The following OR52A5 variants were observed in gnomAD, a reference collection of about 807,000 sequenced individuals.
OR52A5 encodes olfactory receptor 52A5.
In OR52A5, 16 loss-of-function variants were observed where a neutral mutation model predicts 18.2. The ratio of observed to expected loss-of-function variants is 0.88; its 90% confidence interval spans 0.60 to 1.34. The LOEUF is 1.34. Ranked by LOEUF, OR52A5 falls within the 40% of genes most tolerant of loss-of-function variation. OR52A5 has a pLI of 0.00. For synonymous variants in OR52A5, 140 were observed against 137.2 expected (o/e 1.02, Z -0.14); for missense variants, 418 against 383.0 (o/e 1.09, Z -0.76).
intron 1 of OR52A5, among the ~76,000 whole-genome samples, chr11:5,136,073 T>C (rs1172710733): frequency 6.6e-6 from 1 of 152,214 alleles, no homozygotes; most frequent in Non-Finnish European, 1.5e-5. Flanking sequence ...TGAGTAATAG[T>C]TGAGCTGGAG....
At position 5,129,329 on chromosome 11, in the gene OR52A5, G is replaced by A. The variant is rs1311816456; in HGVS notation, c.*2363C>T. The stretch of plus-strand genomic sequence containing the variant: ...GGCTCGTATTGTTAGCCCCATTGTA[G>A]AGAAGAGGAAATAACATGCCCAGGA... On this transcript the variant is annotated 3_prime_UTR_variant, in exon 2 of 2. Coordinates refer to ENST00000307388, the MANE Select transcript of OR52A5 (RefSeq NM_001005160.3). 2 of 152,040 alleles carry A rather than the reference G, an allele frequency of 1.3e-5. No individual in the cohort carries two copies. The highest frequency in any genetic ancestry group is 6.6e-5 in the Admixed American group (1 of 15,254). 9.4% of individuals were successfully genotyped at this position (152,040 alleles called of 1,614,324 possible). A position where few individuals can be genotyped will look rare whatever the true frequency, so the allele number is the denominator to read the frequency against.
Position 5,132,505 on chromosome 11 carries a change from T to C in OR52A5, c.138A>G (p.Leu46=). ...TTTCATATTTGATTATAACTAAAAT[T>C]AGGGAATTTCCAATCACACCAATAA... ...MYLIGVIGNS[L]ILVIIKYENS... Residue 46 remains leucine, a synonymous_variant, in exon 2 of 2, where the codon CTA becomes CTG. Coordinates refer to ENST00000307388, the MANE Select transcript of OR52A5 (RefSeq NM_001005160.3). The C allele has an allele frequency of 6.2e-7, 1 of 1,614,108 alleles. No individual in the cohort carries two copies.
chr11:5,135,887 A>G (rs1432263476), intron 1 of OR52A5, among the ~76,000 whole-genome samples: 1 of 152,190 alleles, frequency 6.6e-6, no homozygotes, highest in Non-Finnish European at 1.5e-5. Context: ...CCTCCTGAGC[A>G]CTGCGTCCCA....
intron 1 of OR52A5, among the ~76,000 whole-genome samples, chr11:5,134,270 T>C (rs1407746549): frequency 6.6e-6 from 1 of 152,206 alleles, no homozygotes; most frequent in Non-Finnish European, 1.5e-5. Context: ...ATAAAGATAG[T>C]AGTGGGGGGC....
At chr11:5,134,230 C>G (rs1490569507) in intron 1 of OR52A5, among the ~76,000 whole-genome samples, 3 of 152,186 alleles carry the variant, frequency 2.0e-5, no homozygotes, top group Non-Finnish European at 4.4e-5. Context: ...AACTCACTCT[C>G]TGAAATAATT....
Position 5,131,239 on chromosome 11 carries a change from G to T in OR52A5, c.*453C>A, listed in dbSNP as rs927011939. ...TTAGAACTTAAACTTCCAAATTTGAGTAAAACTCAAGTTAGGTAAAAATCA... is the reference window on the plus strand; with the variant it reads ...TTAGAACTTAAACTTCCAAATTTGATTAAAACTCAAGTTAGGTAAAAATCA... On this transcript the variant is annotated 3_prime_UTR_variant, in exon 2 of 2. Transcript: ENST00000307388. 1.0e-4 allele frequency: 16 copies of T among 153,250 alleles called. No homozygotes were observed. Among genetic ancestry groups the T allele is most frequent in the Admixed American group, 4.5e-4 (7 of 15,462 alleles). The allele number at this position is 153,250 out of a possible 1,614,324, so 9.5% of individuals were successfully genotyped here. A position where few individuals can be genotyped will look rare whatever the true frequency, so the allele number is the denominator to read the frequency against.
In OR52A5 at chr11:5,132,417, T is replaced by C; in HGVS notation, c.226A>G (p.Asn76Asp). Residue 76 changes from asparagine to aspartate, a missense_variant, in exon 2 of 2, where the codon AAC becomes GAC. Asn to Asp is a conservative substitution (Grantham distance 23). Transcript: ENST00000307388. ...AMLAATDIAL[N>D]TCILPKMLGI... The stretch of plus-strand genomic sequence containing the variant: ...AACATTTTGGGAAGAATGCAGGTGT[T>C]AAGTGCAATGTCTGTGGCTGCCAAC... 1 of 1,614,192 alleles carries C rather than the reference T, an allele frequency of 6.2e-7. No homozygotes were observed. The highest frequency in any genetic ancestry group is 1.3e-5 in the African/African-American group (1 of 75,058).
At chr11:5,134,273 T>TG (rs1399282075) in intron 1 of OR52A5, among the ~76,000 whole-genome samples, 1 of 152,206 alleles carries the variant, frequency 6.6e-6, no homozygotes, top group African/African-American at 2.4e-5. Flanking sequence ...AAGATAGTAG[T>TG]GGGGGGCCAA....
intron 1 of OR52A5, among the ~76,000 whole-genome samples, chr11:5,133,855 AT>A (rs1412457363): frequency 1.3e-5 from 2 of 152,146 alleles, no homozygotes; most frequent in South Asian, 2.1e-4. Flanking sequence ...AAATATTATA[AT>A]TTTTTTCTTT....
intron 1 of OR52A5, among the ~76,000 whole-genome samples, chr11:5,135,707 T>C (rs771116978): frequency 2.0e-5 from 3 of 152,224 alleles, no homozygotes; most frequent in Non-Finnish European, 2.9e-5. Context: ...GATATTCCTT[T>C]CTAATTGCCA....
rs749774262 is a variant in OR52A5 at position 5,130,669 on chromosome 11, C to A, written c.*1023G>T. The A allele has an allele frequency of 6.6e-6, 1 of 151,712 alleles. No homozygotes were observed. Among genetic ancestry groups the A allele is most frequent in the African/African-American group, 2.4e-5 (1 of 41,310 alleles). 9.4% of individuals were successfully genotyped at this position (151,712 alleles called of 1,614,324 possible). On this transcript the variant is annotated 3_prime_UTR_variant, in exon 2 of 2. Coordinates refer to ENST00000307388, the MANE Select transcript of OR52A5 (RefSeq NM_001005160.3). ...TTCTACATTATTGACAAGATTTTTC[C>A]CCAAAATTGTATGTATCTATGTCTG...
At position 5,128,941 on chromosome 11, in the gene OR52A5, A is replaced by T. The variant is rs563152664; in HGVS notation, c.*2751T>A. The T allele has an allele frequency of 6.6e-6, 1 of 152,230 alleles. No homozygotes were observed. Among genetic ancestry groups the T allele is most frequent in the South Asian group, 2.1e-4 (1 of 4,826 alleles). 9.4% of individuals were successfully genotyped at this position (152,230 alleles called of 1,614,324 possible). A position where few individuals can be genotyped will look rare whatever the true frequency, so the allele number is the denominator to read the frequency against. On this transcript the variant is annotated 3_prime_UTR_variant, in exon 2 of 2. Coordinates refer to ENST00000307388, the MANE Select transcript of OR52A5 (RefSeq NM_001005160.3). ...CCTTTATAATACACTAAAAATCATCAAATTGCATACTTTAAAATTGCAAAT... is the reference window on the plus strand; with the variant it reads ...CCTTTATAATACACTAAAAATCATCTAATTGCATACTTTAAAATTGCAAAT...
chr11:5,137,681 T>C (rs1846405117), intron 1 of OR52A5, among the ~76,000 whole-genome samples: 1 of 152,134 alleles, frequency 6.6e-6, no homozygotes, highest in Admixed American at 6.5e-5. Context: ...AGCAGTGAAT[T>C]CTACAGAACC....
chr11:5,128,781 C>T lies in OR52A5; in HGVS notation c.*2911G>A, dbSNP rs1846309357. On this transcript the variant is annotated 3_prime_UTR_variant, in exon 2 of 2. Transcript: ENST00000307388. ...ATCCAGACAGAAAAATCCATTGAAA[C>T]AGAAAAGAGATTAGCAGTTGCTAAG... is the stretch of plus-strand genomic sequence containing the variant. 1 of 151,576 alleles carries T rather than the reference C, an allele frequency of 6.6e-6. No individual in the cohort carries two copies. The highest frequency in any genetic ancestry group is 1.5e-5 in the Non-Finnish European group (1 of 67,874). The allele number at this position is 151,576 out of a possible 1,614,324, so 9.4% of individuals were successfully genotyped here.
chr11:5,136,594 CTTAA>C (rs1846394706), intron 1 of OR52A5, among the ~76,000 whole-genome samples: 1 of 152,056 alleles, frequency 6.6e-6, no homozygotes. Context: ...AAAATAAGCC[CTTAA>C]TTAAATAAAG....
intron 1 of OR52A5, among the ~76,000 whole-genome samples, chr11:5,133,877 T>G (rs547313152): frequency 1.3e-5 from 2 of 152,286 alleles, no homozygotes; most frequent in South Asian, 2.1e-4. Context: ...ACATAAAACT[T>G]TATATATCTA....
rs369688357 is a variant in OR52A5 at position 5,132,619 on chromosome 11, G to C, written c.24C>G (p.Val8=). Reference sequence around the variant, plus strand: ...TTAGTATAAACGCAGAGGGCATGAAGACTGAGCCATTGAATGTCGGCATGA... The same window carrying C: ...TTAGTATAAACGCAGAGGGCATGAACACTGAGCCATTGAATGTCGGCATGA... MPTFNGS[V]FMPSAFILIG... Residue 8 remains valine, a synonymous_variant, in exon 2 of 2, where the codon GTC becomes GTG. Transcript: ENST00000307388. The C allele has an allele frequency of 1.1e-5, 18 of 1,597,856 alleles. No individual in the cohort carries two copies. The African/African-American group carries it at 2.4e-4, about 22-fold the overall frequency.
rs1846345031 is a variant in OR52A5, at chr11:5,132,171, T to C, written c.472A>G (p.Ile158Val). 6.2e-7 allele frequency: 1 copy of C among 1,614,124 alleles called. No homozygotes were observed. Among genetic ancestry groups the C allele is most frequent in the Non-Finnish European group, 8.5e-7 (1 of 1,180,018 alleles). Residue 158 changes from isoleucine to valine, a missense_variant, in exon 2 of 2, where the codon ATA becomes GTA. By Grantham distance (29) the Ile-to-Val change is conservative. Transcript: ENST00000307388. ...LGVTLRAAIL[I>V]IPSLGLIKCC... is the part of the protein sequence containing the mutation. ...TTGATGAGCCCTAAGGAAGGTATTA[T>C]AAGAATGGCAGCCCTGAGTGTCACC...
At chr11:5,132,789 C>A in intron 1 of OR52A5, 87 bp from the exon 2 acceptor site, 1 of 505,150 alleles carries the variant, frequency 2.0e-6, no homozygotes, top group Non-Finnish European at 3.4e-6. Flanking sequence ...GTTGTATTTT[C>A]TATTCTAACT....
Sources: gnomAD v4.1 joint callset for allele counts (sites outside exome capture counted in the v4.1 genomes callset) on GRCh38, gnomAD v4.1.1 for gene constraint, MANE v1.5 for transcripts, NCBI Gene and HGNC (gene_info 2026-07-23, HGNC 2026-07-21) for gene names.